Variants in TACC2 observed in about 807,000 individuals in gnomAD.
TACC2 encodes the protein transforming acidic coiled-coil containing protein 2.
In TACC2, 137 loss-of-function variants were observed where a neutral mutation model predicts 227.3. The observed-to-expected ratio is 0.60, with a 90% CI of 0.52 to 0.69. TACC2 has a LOEUF of 0.69. Ranked by LOEUF, TACC2 falls within the 30% of genes least tolerant of loss-of-function variation. The probability of loss-of-function intolerance (pLI) is 0.00; values close to 1 mark genes in which losing one functional copy is unlikely to be tolerated. For missense variants in TACC2, 3,470 were observed against 3,694.4 expected, an observed-to-expected ratio of 0.94 and a Z score of 1.57; for synonymous variants, 1,523 against 1,487.5, an observed-to-expected ratio of 1.02 and a Z score of -0.55.
intron 11 of TACC2, among the ~76,000 whole-genome samples, chr10:122,219,902 G>T (rs2095490226): frequency 1.3e-5 from 2 of 152,132 alleles, no homozygotes; most frequent in Non-Finnish European, 2.9e-5. Context: ...GCTGGGCATG[G>T]TGGTGGGCAC....
Position 122,197,265 on chromosome 10 carries a change from TAAAC to T in TACC2, c.5971+2101_5971+2104del, listed in dbSNP as rs1011432792. Among the ~76,000 whole-genome samples the T allele has an allele frequency of 7.2e-4, 109 of 152,286 alleles. 4 individuals are homozygous for T. The highest frequency in any genetic ancestry group is 1.3e-4 in the Non-Finnish European group (9 of 68,028). ...GACAGAACCGGACTCTGTCTCAAAA[TAAAC>T]AAACAAACAAATGTTTAGAAGAAAA... On this transcript the variant is annotated intron_variant, in intron 8 of 22. Transcript: ENST00000369005.
chr10:122,093,643 T>C (rs1375598619), intron 5 of TACC2, among the ~76,000 whole-genome samples: 1 of 152,186 alleles, frequency 6.6e-6, no homozygotes, highest in African/African-American at 2.4e-5. Flanking sequence ...CACATCTCAT[T>C]GGCCTCTTAT....
intron 5 of TACC2, among the ~76,000 whole-genome samples, chr10:122,098,931 G>A (rs1227531292): frequency 2.0e-5 from 3 of 152,158 alleles, no homozygotes; most frequent in Non-Finnish European, 4.4e-5. Flanking sequence ...TCTGGCACCC[G>A]TGGGGAATGC....
rs114927453 is a variant in TACC2 at position 122,210,997 on chromosome 10, C to T, written c.6572C>T (p.Thr2191Met). 683 of 1,612,966 alleles carry T rather than the reference C, an allele frequency of 4.2e-4. 1 individual carries two copies. The highest frequency in any genetic ancestry group is 2.8e-3 in the Middle Eastern group (17 of 6,044). The change falls in exon 9 of 23, where the codon ACG becomes ATG. Residue 2191 changes from threonine to methionine, a missense_variant. Physicochemically the swap from Thr to Met is moderately conservative, Grantham distance 81. Around this residue, in one of 10 missense-constraint regions of TACC2, gnomAD observed 593 missense variants for 636.6 expected, o/e 0.93. Coordinates refer to ENST00000369005, the MANE Select transcript of TACC2 (RefSeq NM_206862.4). The surrounding 1 kb of genome is among the most constrained non-coding windows in gnomAD (Gnocchi z 4.6). ...EGPSPALLEETPLEPAVGPKA... is the reference protein window; with the variant it reads ...EGPSPALLEEMPLEPAVGPKA... Reference sequence around the variant, plus strand: ...CCTAGCCCAGCCTTATTGGAGGAGACGCCCCTTGAGCCCGCTGTGGGGCCC... The same window carrying T: ...CCTAGCCCAGCCTTATTGGAGGAGATGCCCCTTGAGCCCGCTGTGGGGCCC...
At chr10:122,027,368 C>T (rs11200346) in intron 2 of TACC2, among the ~76,000 whole-genome samples, 9,983 of 152,028 alleles carry the variant, frequency 0.066, 447 homozygotes, top group African/African-American at 0.12. Context: ...GTGCCTTTTG[C>T]GAATAATTTC....
rs185563174 is a variant in TACC2 at position 122,134,315 on chromosome 10, G to C, written c.5699+1581G>C. ...GCCTCCCGAGAAGCTGGAATTACAGGCGTGCGCCACCATGCCCACCTAATT... is the reference window on the plus strand; with the variant it reads ...GCCTCCCGAGAAGCTGGAATTACAGCCGTGCGCCACCATGCCCACCTAATT... On this transcript the variant is annotated intron_variant, in intron 6 of 22. Transcript: ENST00000369005. 1.9e-3 allele frequency among the ~76,000 whole-genome samples: 283 copies of C among 152,146 alleles called. 1 individual carries two copies. Among genetic ancestry groups the C allele is most frequent in the African/African-American group, 6.6e-3 (274 of 41,516 alleles).
chr10:122,176,521 T>C (rs970195202), intron 7 of TACC2, among the ~76,000 whole-genome samples: 1 of 152,158 alleles, frequency 6.6e-6, no homozygotes, highest in Non-Finnish European at 1.5e-5. Context: ...CTGGTGCTCA[T>C]AGCTCATCAA....
chr10:122,090,546 C>CAA (rs1188822419), intron 5 of TACC2, among the ~76,000 whole-genome samples: 13 of 41,006 alleles, frequency 3.2e-4, no homozygotes, highest in Non-Finnish European at 3.6e-4. Flanking sequence ...GACTCTATCT[C>CAA]AAAAAAAAAA....
chr10:122,013,926 G>T (rs930367446), intron 1 of TACC2, among the ~76,000 whole-genome samples: 1 of 152,072 alleles, frequency 6.6e-6, no homozygotes, highest in African/African-American at 2.4e-5. Context: ...CTTTGGAGAG[G>T]GTGGTCTTCA....
intron 1 of TACC2, among the ~76,000 whole-genome samples, chr10:122,019,522 T>C (rs1370535493): frequency 1.3e-5 from 2 of 152,206 alleles, no homozygotes; most frequent in African/African-American, 4.8e-5. Context: ...AGCTGCTAGG[T>C]GCGGCCAATC....
Position 122,083,731 on chromosome 10 carries a change from A to G in TACC2, c.1231A>G (p.Thr411Ala). ...LPVSPEPSLL[T>A]PTEEAHPASS... ...TGTGAGCCCTGAACCTTCCCTGCTCACTCCGACTGAGGAAGCACATCCAGC... is the reference window on the plus strand; with the variant it reads ...TGTGAGCCCTGAACCTTCCCTGCTCGCTCCGACTGAGGAAGCACATCCAGC... The change falls in exon 4 of 23, where the codon ACT (threonine) becomes GCT (alanine). Residue 411 changes from threonine to alanine, a missense_variant. By Grantham distance (58) the Thr-to-Ala change is moderately conservative (BLOSUM62 0). Transcript: ENST00000369005. 1 of 1,613,810 alleles carries G rather than the reference A, an allele frequency of 6.2e-7. No individual in the cohort carries two copies. Among genetic ancestry groups the G allele is most frequent in the Non-Finnish European group, 8.5e-7 (1 of 1,179,970 alleles).
intron 1 of TACC2, among the ~76,000 whole-genome samples, chr10:122,010,595 C>A (rs543703210): frequency 3.9e-5 from 6 of 152,276 alleles, no homozygotes; most frequent in Admixed American, 3.9e-4. Context: ...ACCAAGACAA[C>A]ACTGGTGGCT....
rs1288371627 is a variant in TACC2 at position 122,085,463 on chromosome 10, AG to A, written c.2967del (p.Pro990GlnfsTer41). On this transcript the variant is annotated frameshift_variant, in exon 4 of 23. Coordinates refer to ENST00000369005, the MANE Select transcript of TACC2 (RefSeq NM_206862.4). LOFTEE classifies it high-confidence loss of function. ...AGAAAGGAAACTTGCTGCACTGGGC[AG>A]GGGCCAAACAAGTCTCAACAGGCAT... ...FSRKETCCTG[Q>X]GPNKSQQALA... 1 of 1,613,786 alleles carries A rather than the reference AG, an allele frequency of 6.2e-7. No homozygotes were observed. Among genetic ancestry groups the A allele is most frequent in the South Asian group, 1.1e-5 (1 of 91,086 alleles).
intron 3 of TACC2, among the ~76,000 whole-genome samples, chr10:122,075,725 TCTTA>T (rs72179958): frequency 0.1 from 15,884 of 152,144 alleles, 1,186 homozygotes; most frequent in East Asian, 0.31. Context: ...GGCTAGTCAG[TCTTA>T]CTTAGTCTGT....
chr10:122,242,240 C>T (rs1400969958), intron 19 of TACC2, among the ~76,000 whole-genome samples: 4 of 152,236 alleles, frequency 2.6e-5, no homozygotes, highest in African/African-American at 9.6e-5. Context: ...ATGGCAGTCA[C>T]CTGCCAGCCA....
rs147565046 is a variant in TACC2 at position 122,194,532 on chromosome 10, G to C, written c.5835-508G>C. 2.8e-4 allele frequency among the ~76,000 whole-genome samples: 42 copies of C among 152,314 alleles called. 2 individuals are homozygous for C. The highest frequency in any genetic ancestry group is 1.9e-3 in the Admixed American group (29 of 15,306). On this transcript the variant is annotated intron_variant, in intron 7 of 22. Transcript: ENST00000369005. The surrounding 1 kb of genome is among the most constrained non-coding windows in gnomAD (Gnocchi z 4.4). ...GGCTTGGAGATACTGTGATAAACAA[G>C]GCCGGCTGCCCTCCTGTGTTTTGAG...
chr10:122,108,307 A>G (rs999143383), intron 5 of TACC2, among the ~76,000 whole-genome samples: 4 of 152,054 alleles, frequency 2.6e-5, no homozygotes, highest in Non-Finnish European at 4.4e-5. Flanking sequence ...ATGGTCTCCA[A>G]TTCCATCCAT....
At chr10:122,037,831 G>T (rs1960893611) in intron 2 of TACC2, among the ~76,000 whole-genome samples, 1 of 152,218 alleles carries the variant, frequency 6.6e-6, no homozygotes, top group Admixed American at 6.5e-5. Context: ...CATTATTCTG[G>T]ATGGGGCTGA....
intron 6 of TACC2, 129 bp downstream of exon 6, chr10:122,132,863 CACA>C: frequency 2.1e-6 from 2 of 947,212 alleles, no homozygotes; most frequent in Non-Finnish European, 3.2e-6. Context: ...TCTGCACACA[CACA>C]CAGGGTGTGC....
Sources: gnomAD v4.1 joint callset for allele counts (sites outside exome capture counted in the v4.1 genomes callset) on GRCh38, gnomAD v4.1.1 for gene constraint, gnomAD v4.1.1 regional missense constraint, Gnocchi (gnomAD v3.1) non-coding constraint, MANE v1.5 for transcripts, NCBI Gene and HGNC (gene_info 2026-07-23, HGNC 2026-07-21) for gene names.